COLEC12: variants seen among roughly 807,000 people sequenced by gnomAD.
The protein encoded by COLEC12 is collectin subfamily member 12.
Under a neutral mutation model 71.1 loss-of-function variants are expected in COLEC12, and 33 were observed. The observed-to-expected ratio is 0.46, with a 90% CI of 0.35 to 0.62. COLEC12 has a LOEUF of 0.62. Ranked by LOEUF, COLEC12 falls within the 20% of genes least tolerant of loss-of-function variation. The probability of loss-of-function intolerance (pLI) is 0.00; values close to 1 mark genes in which losing one functional copy is unlikely to be tolerated. For synonymous variants in COLEC12, 350 were observed against 353.0 expected, an observed-to-expected ratio of 0.99 and a Z score of 0.10; for missense variants, 765 against 916.1, an observed-to-expected ratio of 0.84 and a Z score of 2.13.
intron 2 of COLEC12, among the ~76,000 whole-genome samples, chr18:447,175 G>A (rs1916670032): frequency 6.6e-6 from 1 of 152,146 alleles, no homozygotes; most frequent in Non-Finnish European, 1.5e-5. Flanking sequence ...GGCTTTACTT[G>A]GCTTACAGCC....
chr18:401,626 C>T (rs114426731), intron 2 of COLEC12, among the ~76,000 whole-genome samples: 3,720 of 152,272 alleles, frequency 0.024, 159 homozygotes, highest in African/African-American at 0.085. Context: ...AGTGTTCTGG[C>T]CTTTGATTCA....
At chr18:407,821 G>GT (rs941662221) in intron 2 of COLEC12, among the ~76,000 whole-genome samples, 4 of 152,240 alleles carry the variant, frequency 2.6e-5, no homozygotes, top group African/African-American at 9.6e-5. Flanking sequence ...AGACTGCAAT[G>GT]TATCAATCCT....
chr18:348,248 G>A, intron 3 of COLEC12, 85 bp from the exon 4 acceptor site: 10 of 814,256 alleles, frequency 1.2e-5, no homozygotes, highest in East Asian at 5.3e-5. Flanking sequence ...ATTTCATTAT[G>A]GAACAAAGGA....
At chr18:407,586 T>A (rs35213525) in intron 2 of COLEC12, among the ~76,000 whole-genome samples, 2 of 152,200 alleles carry the variant, frequency 1.3e-5, no homozygotes, top group Non-Finnish European at 2.9e-5. Flanking sequence ...AGAATCAGCC[T>A]TTTTGTTTTA....
chr18:436,994 A>AC (rs1256541231), intron 2 of COLEC12, among the ~76,000 whole-genome samples: 1 of 152,272 alleles, frequency 6.6e-6, no homozygotes, highest in African/African-American at 2.4e-5. Context: ...ACACACAATT[A>AC]CATGAGCTAG....
rs760305396 is a variant in COLEC12, at chr18:320,051, T to C, written c.2223A>G (p.Ala741=). 3.2e-6 allele frequency: 5 copies of C among 1,559,104 alleles called. No homozygotes were observed. The East Asian group carries it at 9.0e-5, about 28-fold the overall frequency. Residue 741 remains alanine, a synonymous_variant, in exon 10 of 10, where the codon GCA becomes GCG. Transcript: ENST00000400256. ...EKDRETVLSS[A]L is the part of the protein sequence containing the mutation. ...GTGATCCCATCACAGTCCGTTATAATGCAGATGACAGTACTAAAAGAGAGA... is the reference window on the plus strand; with the variant it reads ...GTGATCCCATCACAGTCCGTTATAACGCAGATGACAGTACTAAAAGAGAGA...
Position 318,788 on chromosome 18 carries a change from CG to C in COLEC12, c.*1256del, listed in dbSNP as rs1257584223. The C allele has an allele frequency of 6.6e-6, 1 of 152,184 alleles. No homozygotes were observed. The highest frequency in any genetic ancestry group is 1.5e-5 in the Non-Finnish European group (1 of 68,054). 9.4% of individuals were successfully genotyped at this position (152,184 alleles called of 1,614,324 possible). ...GATTACAGGCATGAGCCACTGCGCC[CG>C]GCTGGAAAGGTTCTTTTAAGAGTTC... On this transcript the variant is annotated 3_prime_UTR_variant, in exon 10 of 10. Coordinates refer to ENST00000400256, the MANE Select transcript of COLEC12 (RefSeq NM_130386.3).
chr18:368,612 C>A (rs1450126889), intron 2 of COLEC12, among the ~76,000 whole-genome samples: 2 of 150,148 alleles, frequency 1.3e-5, no homozygotes, highest in Non-Finnish European at 2.9e-5. Flanking sequence ...GGCCTGTAAT[C>A]CCAGAACTTT....
intron 2 of COLEC12, among the ~76,000 whole-genome samples, chr18:458,748 T>A (rs904107027): frequency 1.3e-5 from 2 of 152,260 alleles, no homozygotes; most frequent in African/African-American, 4.8e-5. Flanking sequence ...TCCTCAAGAC[T>A]TCTCTCTCCC....
At chr18:452,376 G>C (rs1017634836) in intron 2 of COLEC12, among the ~76,000 whole-genome samples, 1 of 152,148 alleles carries the variant, frequency 6.6e-6, no homozygotes, top group African/African-American at 2.4e-5. Flanking sequence ...GCTATAGTAA[G>C]AATTAATTGA....
At chr18:403,572 T>G (rs1915728866) in intron 2 of COLEC12, among the ~76,000 whole-genome samples, 1 of 152,228 alleles carries the variant, frequency 6.6e-6, no homozygotes, top group Non-Finnish European at 1.5e-5. Flanking sequence ...TTCCTTTCAG[T>G]GACCCATGGC....
rs1275851948 is a variant in COLEC12 at position 500,059 on chromosome 18, G to A, written c.7+449C>T. ...ATCCCCAGTCCCGGAGAAAACACCC[G>A]GCCGCCAGCGCGGGGACCGCTCGGG... On this transcript the variant is annotated intron_variant, in intron 1 of 9. Transcript: ENST00000400256. The surrounding 1 kb of genome is among the most constrained non-coding windows in gnomAD (Gnocchi z 5.3). Among the ~76,000 whole-genome samples the A allele has an allele frequency of 6.6e-6, 1 of 152,212 alleles. No individual in the cohort carries two copies. Among genetic ancestry groups the A allele is most frequent in the Non-Finnish European group, 1.5e-5 (1 of 68,042 alleles).
chr18:485,776 G>A (rs1040847876), intron 1 of COLEC12, among the ~76,000 whole-genome samples: 1 of 152,232 alleles, frequency 6.6e-6, no homozygotes, highest in Non-Finnish European at 1.5e-5. Context: ...CAGTCAATCT[G>A]TGGACCAAGT....
At chr18:466,489 G>T (rs1285692737) in intron 2 of COLEC12, among the ~76,000 whole-genome samples, 10 of 152,178 alleles carry the variant, frequency 6.6e-5, no homozygotes, top group Middle Eastern at 3.4e-3. Flanking sequence ...TGCTTGATTT[G>T]GGGTCTAGGC....
rs1913593015 is a variant in COLEC12, at chr18:318,105, TAGCTGGGACTACAG to T, written c.*1926_*1939del. The T allele has an allele frequency of 1.6e-3, 4 of 2,484 alleles. No homozygotes were observed. The Non-Finnish European group carries it at 0.091, about 56-fold the overall frequency. The allele number at this position is 2,484 out of a possible 1,614,324, so 0.2% of individuals were successfully genotyped here. ...CATTCTCCTGCCTCAGCCTCCCGAG[TAGCTGGGACTACAG>T]GCGCCCGCCACCGCGCCCGGCTAAT... On this transcript the variant is annotated 3_prime_UTR_variant, in exon 10 of 10. Coordinates refer to ENST00000400256, the MANE Select transcript of COLEC12 (RefSeq NM_130386.3).
chr18:352,506 TA>T (rs1458091139), intron 3 of COLEC12, among the ~76,000 whole-genome samples: 2 of 151,922 alleles, frequency 1.3e-5, no homozygotes, highest in African/African-American at 4.8e-5. Flanking sequence ...ATACATTCAT[TA>T]AAAAAAAGAA....
intron 2 of COLEC12, among the ~76,000 whole-genome samples, chr18:407,266 AG>A (rs1294805398): frequency 6.6e-6 from 1 of 152,258 alleles, no homozygotes; most frequent in Non-Finnish European, 1.5e-5. Context: ...TTAGTTAAAA[AG>A]GAAGTGTATT....
At chr18:452,040 T>A (rs980056066) in intron 2 of COLEC12, among the ~76,000 whole-genome samples, 2 of 152,378 alleles carry the variant, frequency 1.3e-5, no homozygotes, top group African/African-American at 2.4e-5. Context: ...CCTTTTCTCA[T>A]ACCTAGATGG....
intron 2 of COLEC12, among the ~76,000 whole-genome samples, chr18:426,104 G>A (rs1916193968): frequency 6.6e-6 from 1 of 152,214 alleles, no homozygotes; most frequent in Non-Finnish European, 1.5e-5. Context: ...GATTCAGACA[G>A]GTCAGCCTCA....
Sources: gnomAD v4.1 joint callset for allele counts (sites outside exome capture counted in the v4.1 genomes callset) on GRCh38, gnomAD v4.1.1 for gene constraint, Gnocchi (gnomAD v3.1) non-coding constraint, MANE v1.5 for transcripts, NCBI Gene and HGNC (gene_info 2026-07-23, HGNC 2026-07-21) for gene names.